Variants in GPC5 observed in about 807,000 individuals in gnomAD.
GPC5 encodes glypican-5.
In GPC5, 47 loss-of-function variants were observed where a neutral mutation model predicts 53.9. The observed-to-expected ratio is 0.87, with a 90% CI of 0.69 to 1.11. GPC5 has a LOEUF of 1.11. Among genes scored for constraint, GPC5 ranks in the 50% most tolerant of loss-of-function variants. The probability of loss-of-function intolerance (pLI) is 0.00; values close to 1 mark genes in which losing one functional copy is unlikely to be tolerated. For synonymous variants in GPC5, 286 were observed against 263.3 expected (o/e 1.09, Z -0.84); for missense variants, 748 against 713.1 (o/e 1.05, Z -0.56).
intron 6 of GPC5, among the ~76,000 whole-genome samples, chr13:91,957,421 G>A (rs965971354): frequency 1.3e-5 from 2 of 152,108 alleles, no homozygotes; most frequent in African/African-American, 4.8e-5. Flanking sequence ...AATAATAGCT[G>A]AAAATTTCCC....
chr13:91,697,211 C>T (rs1188587943), intron 3 of GPC5, among the ~76,000 whole-genome samples: 2 of 152,056 alleles, frequency 1.3e-5, no homozygotes, highest in Non-Finnish European at 2.9e-5. Context: ...GGCATGATCT[C>T]GGCTCACTGC....
chr13:92,371,691 AC>A (rs2043651205), intron 7 of GPC5, among the ~76,000 whole-genome samples: 1 of 152,112 alleles, frequency 6.6e-6, no homozygotes, highest in Non-Finnish European at 1.5e-5. Flanking sequence ...CCCTTATAAA[AC>A]CTTCAGATCT....
At chr13:92,527,124 G>T (rs1264268228) in intron 7 of GPC5, among the ~76,000 whole-genome samples, 1 of 87,698 alleles carries the variant, frequency 1.1e-5, no homozygotes, top group African/African-American at 4.5e-5. Context: ...AAGAAAGAAA[G>T]AAAGAAAGAA....
At chr13:92,555,280 A>G (rs1566291605) in intron 7 of GPC5, among the ~76,000 whole-genome samples, 1 of 151,514 alleles carries the variant, frequency 6.6e-6, no homozygotes, top group Non-Finnish European at 1.5e-5. Flanking sequence ...AGAATAAGAC[A>G]TCCTGATTAA....
intron 5 of GPC5, among the ~76,000 whole-genome samples, chr13:91,797,875 A>T (rs1240466426): frequency 6.6e-6 from 1 of 152,214 alleles, no homozygotes; most frequent in African/African-American, 2.4e-5. Context: ...GATTCATCAG[A>T]TTGACAGCGT....
rs186767040 is a variant in GPC5, at chr13:91,693,227, C to T, written c.366C>T (p.Thr122=). The change falls in exon 3 of 8, where the codon ACC becomes ACT. Residue 122 remains threonine, a synonymous_variant. Transcript: ENST00000377067. The stretch of plus-strand genomic sequence containing the variant: ...TCATCAAACAAGCAGAAAATTACAC[C>T]AGTATACTTTTTTGCAGTACCTACA... ...ETLIKQAENY[T]SILFCSTYRN... is the part of the protein sequence containing the mutation. The T allele has an allele frequency of 1.1e-5, 18 of 1,613,916 alleles. No individual in the cohort carries two copies. The highest frequency in any genetic ancestry group is 9.3e-5 in the African/African-American group (7 of 74,988).
At chr13:92,186,796 G>A (rs1427596530) in intron 7 of GPC5, among the ~76,000 whole-genome samples, 1 of 152,076 alleles carries the variant, frequency 6.6e-6, no homozygotes, top group Non-Finnish European at 1.5e-5. Flanking sequence ...ATACAAGTAT[G>A]TTTCAGTGGA....
At chr13:91,629,075 A>G (rs905100801) in intron 2 of GPC5, among the ~76,000 whole-genome samples, 5 of 152,166 alleles carry the variant, frequency 3.3e-5, no homozygotes, top group Non-Finnish European at 1.5e-5. Context: ...GCCACATGGA[A>G]GGAGCTCAGG....
intron 7 of GPC5, among the ~76,000 whole-genome samples, chr13:92,854,311 A>AAT (rs910803974): frequency 2.7e-5 from 4 of 147,710 alleles, no homozygotes; most frequent in African/African-American, 9.8e-5. Flanking sequence ...ATATTTATTG[A>AAT]ATATATATAG....
chr13:91,501,806 C>A (rs1354206714), intron 2 of GPC5, among the ~76,000 whole-genome samples: 1 of 152,216 alleles, frequency 6.6e-6, no homozygotes, highest in Non-Finnish European at 1.5e-5. Context: ...TTCTAGATCT[C>A]TGAGGAATCG....
intron 7 of GPC5, among the ~76,000 whole-genome samples, chr13:92,582,883 T>A (rs981667327): frequency 2.6e-5 from 4 of 152,182 alleles, no homozygotes; most frequent in African/African-American, 7.2e-5. Flanking sequence ...TCTAATAGTT[T>A]CTTTGTGGAG....
intron 5 of GPC5, among the ~76,000 whole-genome samples, chr13:91,801,254 T>C (rs1318541754): frequency 4.5e-3 from 2 of 446 alleles, no homozygotes; most frequent in African/African-American, 6.8e-3. Flanking sequence ...ATCCATACTT[T>C]GTGTGTGTGT....
chr13:91,788,364 C>T (rs2037910283), intron 5 of GPC5, among the ~76,000 whole-genome samples: 1 of 152,156 alleles, frequency 6.6e-6, no homozygotes, highest in African/African-American at 2.4e-5. Flanking sequence ...CAAGTCCTCA[C>T]CTTTAAGTCC....
chr13:91,517,135 G>T (rs1885548767), intron 2 of GPC5, among the ~76,000 whole-genome samples: 1 of 152,144 alleles, frequency 6.6e-6, no homozygotes. Flanking sequence ...TAGGCTCCTT[G>T]CTACTTATGC....
At chr13:91,405,269 TTG>T (rs1022157468) in intron 1 of GPC5, among the ~76,000 whole-genome samples, 4 of 152,142 alleles carry the variant, frequency 2.6e-5, no homozygotes, top group African/African-American at 9.7e-5. Flanking sequence ...GTCCTGTGTA[TTG>T]TAGAATGTTC....
At chr13:91,728,482 A>AAAGGTGGAGTAC in intron 3 of GPC5, 50 bp from the exon 4 acceptor site, 1 of 1,563,606 alleles carries the variant, frequency 6.4e-7, no homozygotes, top group African/African-American at 1.4e-5. Flanking sequence ...ACATTCTCAG[A>AAAGGTGGAGTAC]AAGGTGGAGT....
At chr13:92,236,679 A>G (rs1410774648) in intron 7 of GPC5, among the ~76,000 whole-genome samples, 1 of 152,148 alleles carries the variant, frequency 6.6e-6, no homozygotes, top group South Asian at 2.1e-4. Flanking sequence ...CTTTATATTA[A>G]TAAGTTTCAA....
chr13:91,987,218 G>A (rs2040416294), intron 6 of GPC5, among the ~76,000 whole-genome samples: 1 of 152,212 alleles, frequency 6.6e-6, no homozygotes, highest in Admixed American at 6.5e-5. Context: ...CTGCAAGTGT[G>A]ATGGTTGCAA....
At chr13:91,530,609 C>A (rs1042027063) in intron 2 of GPC5, among the ~76,000 whole-genome samples, 1 of 152,170 alleles carries the variant, frequency 6.6e-6, no homozygotes, top group African/African-American at 2.4e-5. Flanking sequence ...CCAGCACGCT[C>A]TTTTTATATC....
Sources: allele counts gnomAD v4.1 joint callset (sites outside exome capture counted in the v4.1 genomes callset), GRCh38; gene constraint gnomAD v4.1.1; transcripts MANE v1.5; gene names NCBI Gene and HGNC (gene_info 2026-07-23, HGNC 2026-07-21).